HADHA: variants seen among roughly 807,000 people sequenced by gnomAD.
The protein encoded by HADHA is hydroxyacyl-CoA dehydrogenase trifunctional multienzyme complex subunit alpha, also known as trifunctional enzyme subunit alpha, mitochondrial.
HADHA carries 59 observed loss-of-function variants against 91.3 expected under a neutral mutation model. That is an observed-to-expected ratio of 0.65 (90% CI 0.52 to 0.80). The LOEUF (loss-of-function observed/expected upper bound fraction) is 0.80. HADHA is among the 30% of genes least tolerant of loss of function. The pLI, the probability that HADHA is intolerant of heterozygous loss-of-function variation, is 0.00. For synonymous variants in HADHA, 320 were observed against 338.9 expected, an observed-to-expected ratio of 0.94 and a Z score of 0.61; for missense variants, 800 against 927.6, an observed-to-expected ratio of 0.86 and a Z score of 1.79.
intron 5 of HADHA, among the ~76,000 whole-genome samples, chr2:26,233,064 T>C (rs1670664085): frequency 6.6e-6 from 1 of 152,168 alleles, no homozygotes; most frequent in South Asian, 2.1e-4. Context: ...ATCCCTCTCA[T>C]GTGCAGTTCA....
intron 11 of HADHA, among the ~76,000 whole-genome samples, chr2:26,205,636 A>G (rs893120648): frequency 2.0e-5 from 3 of 152,110 alleles, no homozygotes; most frequent in Admixed American, 6.6e-5. Flanking sequence ...AACCTCACCA[A>G]AATACAAAAA....
Position 26,214,704 on chromosome 2 carries a change from C to T in HADHA, c.800-143G>A, listed in dbSNP as rs1670176900. The T allele has an allele frequency of 1.5e-6, 1 of 667,216 alleles. No homozygotes were observed. Among genetic ancestry groups the T allele is most frequent in the Non-Finnish European group, 2.7e-6 (1 of 373,914 alleles). 41.3% of individuals were successfully genotyped at this position (667,216 alleles called of 1,614,324 possible). On this transcript the variant is annotated intron_variant, in intron 8 of 19. Coordinates refer to ENST00000380649, the MANE Select transcript of HADHA (RefSeq NM_000182.5). The surrounding 1 kb of genome is among the most constrained non-coding windows in gnomAD (Gnocchi z 4.1). ...ATTCTGATACACACAATATAAATTT[C>T]AACCTAAGCACTACCTTAAACATGC...
chr2:26,192,299 A>G lies in HADHA; in HGVS notation c.2000+11T>C. 1 of 1,383,356 alleles carries G rather than the reference A, an allele frequency of 7.2e-7. No individual in the cohort carries two copies. 85.7% of individuals were successfully genotyped at this position (1,383,356 alleles called of 1,614,324 possible). A position where few individuals can be genotyped will look rare whatever the true frequency, so the allele number is the denominator to read the frequency against. Reference sequence around the variant, plus strand: ...TCAATTTCCAGGCATTAGCCACTCAAACGGACTTACACTTCAGACTTAGGA... The same window carrying G: ...TCAATTTCCAGGCATTAGCCACTCAGACGGACTTACACTTCAGACTTAGGA... On this transcript the variant is annotated intron_variant, in intron 18 of 19. Coordinates refer to ENST00000380649, the MANE Select transcript of HADHA (RefSeq NM_000182.5).
rs1412837887 is a variant in HADHA at position 26,195,156 on chromosome 2, T to C, written c.1556A>G (p.Lys519Arg). The C allele has an allele frequency of 1.1e-5, 17 of 1,612,684 alleles. No individual in the cohort carries two copies. The highest frequency in any genetic ancestry group is 1.2e-5 in the Non-Finnish European group (14 of 1,178,820). Residue 519 changes from lysine (K) to arginine (R), a missense_variant, in exon 15 of 20, where the codon AAA becomes AGA. Physicochemically the swap from Lys to Arg is conservative, Grantham distance 26. Transcript: ENST00000380649. ...TGCTACAGCTGAAGCACTGGTGTCT[T>C]TGGAAGTTTTCTCGGTCGTGATAAT... ...LEIITTEKTS[K>R]DTSASAVAVG...
intron 7 of HADHA, among the ~76,000 whole-genome samples, chr2:26,219,980 G>C (rs1324392775): frequency 6.6e-6 from 1 of 152,178 alleles, no homozygotes; most frequent in African/African-American, 2.4e-5. Context: ...TGAAAGGGAA[G>C]CTGTGTCCTC....
At chr2:26,237,984 T>G (rs536087804) in intron 3 of HADHA, among the ~76,000 whole-genome samples, 98 of 152,336 alleles carry the variant, frequency 6.4e-4, no homozygotes, top group African/African-American at 2.2e-3. Context: ...TCTTATTACA[T>G]CTAAGCCTCT....
intron 6 of HADHA, among the ~76,000 whole-genome samples, chr2:26,231,086 T>C (rs1314563770): frequency 6.6e-6 from 1 of 151,492 alleles, no homozygotes; most frequent in African/African-American, 2.4e-5. Context: ...AACATTCAAA[T>C]ACCAGCTATA....
chr2:26,208,351 A>G (rs1179083831), intron 11 of HADHA, among the ~76,000 whole-genome samples: 2 of 151,912 alleles, frequency 1.3e-5, no homozygotes, highest in African/African-American at 4.8e-5. Flanking sequence ...ACACAATACC[A>G]CCTTTTCCAA....
intron 7 of HADHA, among the ~76,000 whole-genome samples, chr2:26,228,171 C>T (rs543376583): frequency 4.6e-5 from 7 of 151,668 alleles, no homozygotes; most frequent in Non-Finnish European, 8.8e-5. Flanking sequence ...CGCTCTGTCA[C>T]CCAGGCTGGA....
intron 12 of HADHA, among the ~76,000 whole-genome samples, chr2:26,203,562 C>A (rs1424648199): frequency 6.6e-6 from 1 of 152,140 alleles, no homozygotes; most frequent in Non-Finnish European, 1.5e-5. Context: ...CTCTGTAATG[C>A]CAGTCAGGAA....
chr2:26,237,009 C>T (rs1159843670), intron 3 of HADHA, 21 bp from the exon 4 acceptor site: 3 of 1,585,140 alleles, frequency 1.9e-6, no homozygotes, highest in Non-Finnish European at 2.6e-6. Flanking sequence ...GAAATATATA[C>T]AGGTAAGGGT....
chr2:26,198,256 T>C (rs1435251483), intron 13 of HADHA, among the ~76,000 whole-genome samples: 1 of 152,176 alleles, frequency 6.6e-6, no homozygotes, highest in Non-Finnish European at 1.5e-5. Context: ...GGCATACCAC[T>C]ATAGTTGCAG....
chr2:26,195,001 G>T, intron 15 of HADHA, 91 bp downstream of exon 15: 3 of 1,088,908 alleles, frequency 2.8e-6, no homozygotes, highest in African/African-American at 1.5e-5. Context: ...CTGGTCATTT[G>T]CCCCAGAATA....
At chr2:26,219,202 C>T (rs1558324871) in intron 7 of HADHA, among the ~76,000 whole-genome samples, 1 of 147,680 alleles carries the variant, frequency 6.8e-6, no homozygotes, top group Admixed American at 6.7e-5. Context: ...GATCTCGGCT[C>T]ACTGCAACCT....
intron 10 of HADHA, among the ~76,000 whole-genome samples, chr2:26,211,684 C>T (rs1461385245): frequency 6.6e-6 from 1 of 152,144 alleles, no homozygotes; most frequent in Non-Finnish European, 1.5e-5. Flanking sequence ...AGATATTCAA[C>T]TTTATAAAAG....
At chr2:26,191,757 GAGA>G in intron 18 of HADHA, 129 bp from the exon 19 acceptor site, 1 of 912,542 alleles carries the variant, frequency 1.1e-6, no homozygotes, top group Non-Finnish European at 1.8e-6. Flanking sequence ...CTGGCCCTCA[GAGA>G]AGATGCTGCC....
At chr2:26,225,393 A>G (rs1558326920) in intron 7 of HADHA, among the ~76,000 whole-genome samples, 2 of 52,992 alleles carry the variant, frequency 3.8e-5, no homozygotes, top group Admixed American at 1.9e-4. Context: ...GTGAGACTCC[A>G]TCTCAAAAAA....
intron 3 of HADHA, among the ~76,000 whole-genome samples, chr2:26,238,278 A>C (rs1036327204): frequency 3.3e-5 from 5 of 152,178 alleles, no homozygotes; most frequent in Non-Finnish European, 7.4e-5. Context: ...TGTTGGGATT[A>C]TAGGTGTGAG....
intron 16 of HADHA, 142 bp downstream of exon 16, chr2:26,194,427 GA>G (rs1344975107): frequency 1.4e-6 from 1 of 716,186 alleles, no homozygotes; most frequent in East Asian, 2.6e-5. Flanking sequence ...CTGCTGTGCA[GA>G]GAGAGGGCAC....
Sources: gnomAD v4.1 joint callset for allele counts (sites outside exome capture counted in the v4.1 genomes callset) on GRCh38, gnomAD v4.1.1 for gene constraint, Gnocchi (gnomAD v3.1) non-coding constraint, MANE v1.5 for transcripts, NCBI Gene and HGNC (gene_info 2026-07-23, HGNC 2026-07-21) for gene names.